Variants in FHIT observed in about 807,000 individuals in gnomAD.
FHIT encodes bis(5'-adenosyl)-triphosphatase.
Under a neutral mutation model 17.9 loss-of-function variants are expected in FHIT, and 19 were observed. The observed-to-expected ratio is 1.06, with a 90% CI of 0.74 to 1.56. The LOEUF (loss-of-function observed/expected upper bound fraction) is 1.56, where lower values mean the gene tolerates loss of function less well. Ranked by LOEUF, FHIT falls within the 40% of genes most tolerant of loss-of-function variation. The pLI is 0.00. For missense variants in FHIT, 248 were observed against 189.2 expected, an observed-to-expected ratio of 1.31 and a Z score of -1.82; for synonymous variants, 81 against 69.7, an observed-to-expected ratio of 1.16 and a Z score of -0.81.
chr3:60,850,391 A>C (rs1703110460), intron 3 of FHIT, among the ~76,000 whole-genome samples: 1 of 138,254 alleles, frequency 7.2e-6, no homozygotes, highest in Non-Finnish European at 1.5e-5. Flanking sequence ...TTAAATCACT[A>C]AGGTCTCAGC....
intron 7 of FHIT, among the ~76,000 whole-genome samples, chr3:60,008,235 T>C (rs1190810267): frequency 6.6e-6 from 1 of 152,048 alleles, no homozygotes; most frequent in African/African-American, 2.4e-5. Context: ...TGGATCTGTA[T>C]GGTTGAAGAT....
chr3:60,887,446 A>G (rs1336711305), intron 3 of FHIT, among the ~76,000 whole-genome samples: 1 of 152,082 alleles, frequency 6.6e-6, no homozygotes, highest in Non-Finnish European at 1.5e-5. Flanking sequence ...GGAGTTCGAG[A>G]CCAGCCTGGC....
At chr3:60,525,927 A>G (rs1166161074) in intron 5 of FHIT, among the ~76,000 whole-genome samples, 1 of 152,002 alleles carries the variant, frequency 6.6e-6, no homozygotes, top group Non-Finnish European at 1.5e-5. Flanking sequence ...ACATGGTGAA[A>G]CCTTGTCTCT....
chr3:60,112,423 T>C (rs1704715773), intron 5 of FHIT, among the ~76,000 whole-genome samples: 1 of 152,186 alleles, frequency 6.6e-6, no homozygotes, highest in Non-Finnish European at 1.5e-5. Context: ...AGCCTGATCA[T>C]AGCGCTGCCA....
intron 4 of FHIT, among the ~76,000 whole-genome samples, chr3:60,722,940 C>G (rs1360730462): frequency 6.6e-6 from 1 of 152,000 alleles, no homozygotes; most frequent in South Asian, 2.1e-4. Context: ...GCGCTGGTCT[C>G]GAACTCCTGA....
At chr3:60,686,157 C>T (rs1310906213) in intron 4 of FHIT, among the ~76,000 whole-genome samples, 2 of 152,094 alleles carry the variant, frequency 1.3e-5, no homozygotes, top group Non-Finnish European at 2.9e-5. Context: ...TGTCTTCTTG[C>T]TTTCATAGTT....
chr3:61,072,007 C>T (rs1476006356), intron 2 of FHIT, among the ~76,000 whole-genome samples: 2 of 152,168 alleles, frequency 1.3e-5, no homozygotes, highest in African/African-American at 4.8e-5. Flanking sequence ...GATAGTCCCA[C>T]CCCTCATGCC....
intron 5 of FHIT, among the ~76,000 whole-genome samples, chr3:60,035,003 C>T (rs370463366): frequency 9.9e-5 from 15 of 152,282 alleles, no homozygotes; most frequent in African/African-American, 3.6e-4. Context: ...CCTCTTTAAA[C>T]ATTTTATAAA....
Position 60,287,146 on chromosome 3 carries a change from A to G in FHIT, c.103+249714T>C, listed in dbSNP as rs888327810. Among the ~76,000 whole-genome samples the G allele has an allele frequency of 3.9e-5, 6 of 152,252 alleles. No individual in the cohort carries two copies. In the Middle Eastern group the frequency reaches 0.01, roughly 259 times the overall value. On this transcript the variant is annotated intron_variant, in intron 5 of 9. Transcript: ENST00000492590. ...AATATCATCTCCCTACCTATCTGTT[A>G]AGTTTATTATGAAGACAAAGTAAAA...
chr3:60,138,799 C>T (rs1291754668), intron 5 of FHIT, among the ~76,000 whole-genome samples: 2 of 152,044 alleles, frequency 1.3e-5, no homozygotes, highest in Non-Finnish European at 2.9e-5. Flanking sequence ...ACTACTTCTG[C>T]CACCATCAGA....
At chr3:60,509,320 T>C (rs4142702) in intron 5 of FHIT, among the ~76,000 whole-genome samples, 91,266 of 152,020 alleles carry the variant, frequency 0.6, 27,604 homozygotes, top group African/African-American at 0.62. Context: ...TGTTTGTGCT[T>C]AGCTTTCAAA....
chr3:60,537,479 C>T, intron 4 of FHIT: 1 of 983,112 alleles, frequency 1.0e-6, no homozygotes, highest in Middle Eastern at 5.2e-4. Context: ...ATTACAAAAA[C>T]ATGAGCACTT....
chr3:61,022,951 C>T (rs375641877), intron 3 of FHIT, among the ~76,000 whole-genome samples: 40 of 152,320 alleles, frequency 2.6e-4, no homozygotes, highest in Middle Eastern at 6.8e-3. Flanking sequence ...AGGATGCCCT[C>T]TCACCACTGC....
At position 61,004,354 on chromosome 3, in the gene FHIT, C is replaced by T. The variant is rs80134512; in HGVS notation, c.-111+37693G>A. 8.5e-5 allele frequency among the ~76,000 whole-genome samples: 13 copies of T among 152,274 alleles called. No individual in the cohort carries two copies. The East Asian group carries it at 2.3e-3, about 27-fold the overall frequency. On this transcript the variant is annotated intron_variant, in intron 3 of 9. Transcript: ENST00000492590. ...CAGTTTCAAAAAAGTTGCCCGGTTT[C>T]TCCTCTTCTGTATTGGTAGGAATTG...
intron 7 of FHIT, among the ~76,000 whole-genome samples, chr3:59,960,788 T>C (rs1318160011): frequency 1.3e-5 from 2 of 152,246 alleles, no homozygotes; most frequent in Non-Finnish European, 2.9e-5. Context: ...GTTCTAATTT[T>C]TAAAAGTATT....
At chr3:60,773,188 T>G (rs1159900238) in intron 4 of FHIT, among the ~76,000 whole-genome samples, 2 of 151,998 alleles carry the variant, frequency 1.3e-5, no homozygotes, top group Non-Finnish European at 2.9e-5. Flanking sequence ...ACTCAAATAT[T>G]CTAGGCAAAA....
At chr3:61,032,023 G>A (rs1178693956) in intron 3 of FHIT, among the ~76,000 whole-genome samples, 2 of 152,210 alleles carry the variant, frequency 1.3e-5, no homozygotes, top group African/African-American at 2.4e-5. Context: ...TCTGGGCATA[G>A]CATTTTTGAG....
intron 7 of FHIT, among the ~76,000 whole-genome samples, chr3:59,925,525 G>A (rs1170804692): frequency 6.6e-6 from 1 of 152,100 alleles, no homozygotes; most frequent in South Asian, 2.1e-4. Flanking sequence ...TTGCGAACCT[G>A]CACTTGGGAA....
chr3:60,449,427 TACACAC>T (rs140706888), intron 5 of FHIT, among the ~76,000 whole-genome samples: 12 of 149,792 alleles, frequency 8.0e-5, no homozygotes, highest in Admixed American at 7.3e-4. Flanking sequence ...CATATGCGCA[TACACAC>T]ACACACACAC....
Sources: allele counts gnomAD v4.1 joint callset (sites outside exome capture counted in the v4.1 genomes callset), GRCh38; gene constraint gnomAD v4.1.1; transcripts MANE v1.5; gene names NCBI Gene and HGNC (gene_info 2026-07-23, HGNC 2026-07-21).